Variants in DNAH6 observed in about 807,000 individuals in gnomAD.
DNAH6 encodes dynein axonemal heavy chain 6.
Under a neutral mutation model 491.4 loss-of-function variants are expected in DNAH6, and 340 were observed. That is an observed-to-expected ratio of 0.69 (90% CI 0.63 to 0.76). The LOEUF is 0.76. DNAH6 is among the 30% of genes least tolerant of loss of function. The pLI is 0.00. For synonymous variants in DNAH6, 1,603 were observed against 1,686.1 expected, an observed-to-expected ratio of 0.95 and a Z score of 1.21; for missense variants, 4,443 against 4,972.2, an observed-to-expected ratio of 0.89 and a Z score of 3.20.
At chr2:84,800,411 T>C (rs188823538) in intron 70 of DNAH6, among the ~76,000 whole-genome samples, 1 of 152,280 alleles carries the variant, frequency 6.6e-6, no homozygotes, top group East Asian at 1.9e-4. Flanking sequence ...CCTATTCAGA[T>C]TGAAATGTCT....
chr2:84,644,497 CAT>C (rs2104519662), intron 33 of DNAH6, among the ~76,000 whole-genome samples: 1 of 151,862 alleles, frequency 6.6e-6, no homozygotes, highest in Admixed American at 6.6e-5. Flanking sequence ...TGTAGGTAAA[CAT>C]GTGCCATGGT....
chr2:84,473,407 C>T, the DNAH6 span, among the ~76,000 whole-genome samples: 1 of 152,168 alleles, frequency 6.6e-6, no homozygotes, highest in Non-Finnish European at 1.5e-5. Flanking sequence ...AGCCACTCAA[C>T]CTGATCATCC....
intron 33 of DNAH6, among the ~76,000 whole-genome samples, chr2:84,642,987 G>C (rs1476428501): frequency 6.6e-6 from 1 of 152,132 alleles, no homozygotes; most frequent in African/African-American, 2.4e-5. Flanking sequence ...CCTTTAGGTA[G>C]ATCAGAGTTT....
At chr2:84,677,588 C>T (rs887434395) in intron 41 of DNAH6, among the ~76,000 whole-genome samples, 1 of 152,186 alleles carries the variant, frequency 6.6e-6, no homozygotes, top group African/African-American at 2.4e-5. Flanking sequence ...TCTCCTTGGC[C>T]ACTCTCGCTA....
intron 49 of DNAH6, among the ~76,000 whole-genome samples, chr2:84,702,146 G>T (rs563099269): frequency 1.3e-5 from 2 of 152,278 alleles, no homozygotes; most frequent in East Asian, 3.9e-4. Flanking sequence ...TAAGAGCAAG[G>T]ACTGGGGTAT....
chr2:84,773,333 G>A (rs930888427), intron 64 of DNAH6, among the ~76,000 whole-genome samples: 4 of 152,032 alleles, frequency 2.6e-5, no homozygotes, highest in Non-Finnish European at 5.9e-5. Context: ...TTCTGTTTCT[G>A]TGTTAATTTA....
intron 63 of DNAH6, among the ~76,000 whole-genome samples, chr2:84,747,970 G>T (rs1673125541): frequency 6.6e-6 from 1 of 152,170 alleles, no homozygotes; most frequent in Non-Finnish European, 1.5e-5. Context: ...GAGATATTGG[G>T]ATTTGGGGAG....
At chr2:84,579,767 G>C in intron 14 of DNAH6, 88 bp downstream of exon 14, 1 of 1,098,260 alleles carries the variant, frequency 9.1e-7, no homozygotes, top group Non-Finnish European at 1.3e-6. Context: ...GGACTAAGGG[G>C]CAAAAGACAG....
chr2:84,745,306 T>C, intron 63 of DNAH6, 57 bp downstream of exon 63: 1 of 1,203,376 alleles, frequency 8.3e-7, no homozygotes, highest in Non-Finnish European at 1.1e-6. Flanking sequence ...TAAAGCTCAC[T>C]AGCCAGTTAT....
chr2:84,545,594 A>G (rs556005664), intron 5 of DNAH6, among the ~76,000 whole-genome samples: 1 of 152,306 alleles, frequency 6.6e-6, no homozygotes, highest in African/African-American at 2.4e-5. Context: ...TCCATCATTC[A>G]TACCAGTGGT....
chr2:84,601,138 T>C (rs970640096), intron 18 of DNAH6, among the ~76,000 whole-genome samples: 5 of 148,392 alleles, frequency 3.4e-5, no homozygotes, highest in Admixed American at 6.6e-5. Context: ...CTGGAGCATC[T>C]TGAGGTGCTG....
At chr2:84,793,811 G>T (rs1678026124) in intron 68 of DNAH6, among the ~76,000 whole-genome samples, 1 of 152,208 alleles carries the variant, frequency 6.6e-6, no homozygotes, top group African/African-American at 2.4e-5. Flanking sequence ...CAACAGGAGA[G>T]GGAAGACAGG....
At chr2:84,659,366 A>T (rs1187138550) in intron 37 of DNAH6, among the ~76,000 whole-genome samples, 197 bp downstream of exon 37, 2 of 152,152 alleles carry the variant, frequency 1.3e-5, no homozygotes, top group Non-Finnish European at 2.9e-5. Context: ...CAGTCATATT[A>T]AAAAAGTAAG....
At chr2:84,612,166 A>C (rs1175163921) in intron 22 of DNAH6, among the ~76,000 whole-genome samples, 1 of 152,072 alleles carries the variant, frequency 6.6e-6, no homozygotes, top group East Asian at 1.9e-4. Context: ...CAATGTTTTC[A>C]TCTCAGAATT....
intron 14 of DNAH6, among the ~76,000 whole-genome samples, chr2:84,583,737 T>C (rs1683270943): frequency 6.6e-6 from 1 of 152,234 alleles, no homozygotes. Context: ...ACAAGTTCTC[T>C]TGCCTGCTGT....
intron 37 of DNAH6, among the ~76,000 whole-genome samples, chr2:84,661,959 T>G (rs1344647192): frequency 1.3e-5 from 2 of 152,138 alleles, no homozygotes; most frequent in African/African-American, 2.4e-5. Flanking sequence ...AAACTAGTAT[T>G]GACAAAGAAG....
intron 33 of DNAH6, among the ~76,000 whole-genome samples, chr2:84,649,911 A>G (rs568719868): frequency 2.0e-4 from 31 of 152,314 alleles, no homozygotes; most frequent in Admixed American, 9.8e-4. Context: ...CATCCTGCAC[A>G]TGTACCCCAG....
At chr2:84,466,584 G>A in the DNAH6 span, among the ~76,000 whole-genome samples, 1 of 152,180 alleles carries the variant, frequency 6.6e-6, no homozygotes, top group African/African-American at 2.4e-5. Context: ...AAAAAGATTA[G>A]GCTTCTTCAG....
At chr2:84,654,534 A>T in intron 34 of DNAH6, 126 bp from the exon 35 acceptor site, 1 of 1,237,708 alleles carries the variant, frequency 8.1e-7, no homozygotes, top group Non-Finnish European at 1.1e-6. Context: ...ACTCTCTTCC[A>T]CATGAAGCCC....
Sources: gnomAD v4.1 joint callset for allele counts (sites outside exome capture counted in the v4.1 genomes callset) on GRCh38, gnomAD v4.1.1 for gene constraint, MANE v1.5 for transcripts, NCBI Gene and HGNC (gene_info 2026-07-23, HGNC 2026-07-21) for gene names.